The following CEMIP variants were observed in gnomAD, a reference collection of about 807,000 sequenced individuals.
The protein encoded by CEMIP is cell migration inducing hyaluronidase 1, also known as cell migration-inducing and hyaluronan-binding protein.
CEMIP carries 105 observed loss-of-function variants against 156.9 expected under a neutral mutation model. The ratio of observed to expected loss-of-function variants is 0.67; its 90% confidence interval spans 0.57 to 0.79. CEMIP has a LOEUF of 0.79. CEMIP is among the 30% of genes least tolerant of loss of function. The pLI is 0.00. For missense variants in CEMIP, 1,457 were observed against 1,769.4 expected (o/e 0.82, Z 3.17); for synonymous variants, 676 against 668.4 (o/e 1.01, Z -0.17).
rs987645455 is a variant in CEMIP at position 80,906,592 on chromosome 15, C to G, written c.1412-71C>G. On this transcript the variant is annotated intron_variant, in intron 12 of 29. Transcript: ENST00000394685. This position sits in a 1 kb window ranked among gnomAD's most constrained non-coding sequence, Gnocchi z 4.3. ...GAGTAAGCAGCAGCCATGGAGGCAC[C>G]TGGCAGGGGCCCAGAACTCAGTGGG... The G allele has an allele frequency of 2.7e-5, 41 of 1,498,594 alleles. No individual in the cohort carries two copies. In the Middle Eastern group the frequency reaches 7.1e-4, roughly 26 times the overall value. The allele number at this position is 1,498,594 out of a possible 1,614,324, so 92.8% of individuals were successfully genotyped here. A position where few individuals can be genotyped will look rare whatever the true frequency, so the allele number is the denominator to read the frequency against.
chr15:80,883,329 G>A (rs1482867394), intron 6 of CEMIP, among the ~76,000 whole-genome samples: 1 of 152,110 alleles, frequency 6.6e-6, no homozygotes, highest in Non-Finnish European at 1.5e-5. Context: ...GATATTTTAC[G>A]TGTATGAGGG....
intron 1 of CEMIP, among the ~76,000 whole-genome samples, chr15:80,847,656 C>T (rs1463468334): frequency 1.3e-5 from 2 of 152,160 alleles, no homozygotes; most frequent in African/African-American, 2.4e-5. Flanking sequence ...TCCTAGTCAC[C>T]AAGGGTGGTG....
intron 1 of CEMIP, among the ~76,000 whole-genome samples, chr15:80,796,091 T>C (rs1428741153): frequency 6.6e-6 from 1 of 152,218 alleles, no homozygotes; most frequent in Non-Finnish European, 1.5e-5. Context: ...AAATAGCATT[T>C]AATAAGAGCT....
rs1036709762 is a variant in CEMIP, at chr15:80,897,295, T to G, written c.1411+1235T>G. On this transcript the variant is annotated intron_variant, in intron 12 of 29. Transcript: ENST00000394685. ...GAAAGAAACCCACAGAACATAAAAT[T>G]CAACACAATCTTTTTGGCTGCCTGA... is the stretch of plus-strand genomic sequence containing the variant. 8.8e-6 allele frequency: 4 copies of G among 455,976 alleles called. No homozygotes were observed. The Admixed American group carries it at 9.4e-5, about 11-fold the overall frequency. The allele number at this position is 455,976 out of a possible 1,614,324, so 28.2% of individuals were successfully genotyped here.
chr15:80,930,958 G>A (rs1381852605), intron 21 of CEMIP, among the ~76,000 whole-genome samples: 1 of 152,216 alleles, frequency 6.6e-6, no homozygotes, highest in Non-Finnish European at 1.5e-5. Context: ...GGCCCAAGAA[G>A]GACCACCAGG....
chr15:80,860,541 C>A (rs1897960328), intron 1 of CEMIP, among the ~76,000 whole-genome samples: 1 of 152,180 alleles, frequency 6.6e-6, no homozygotes, highest in African/African-American at 2.4e-5. Context: ...TTTAAGCCAG[C>A]ACGGCAGCAC....
intron 1 of CEMIP, among the ~76,000 whole-genome samples, chr15:80,862,352 G>T (rs143788189): frequency 6.6e-6 from 1 of 152,314 alleles, no homozygotes; most frequent in East Asian, 1.9e-4. Context: ...GGACAATGAG[G>T]CTTCCAAGAG....
rs186695251 is a variant in CEMIP, at chr15:80,892,934, C to T, written c.1087-2056C>T. On this transcript the variant is annotated intron_variant, in intron 10 of 29. Coordinates refer to ENST00000394685, the MANE Select transcript of CEMIP (RefSeq NM_001293298.2). ...TGGACTGGTGGCCCACGCCGGTAAT[C>T]CCAGCACTTTGGGAGGCCAAAGTGG... Among the ~76,000 whole-genome samples, 4 of 152,278 alleles carry T rather than the reference C, an allele frequency of 2.6e-5. No individual in the cohort carries two copies. The East Asian group carries it at 7.7e-4, about 29-fold the overall frequency.
chr15:80,863,747 G>C (rs141154249), intron 1 of CEMIP, among the ~76,000 whole-genome samples: 1 of 152,162 alleles, frequency 6.6e-6, no homozygotes, highest in African/African-American at 2.4e-5. Context: ...GAGGAAGTTC[G>C]TGGGACTAAG....
At chr15:80,832,322 C>CTGTGTGGGTGTGTGTGTG (rs1897173504) in intron 1 of CEMIP, among the ~76,000 whole-genome samples, 1 of 127,996 alleles carries the variant, frequency 7.8e-6, no homozygotes. Flanking sequence ...AAAATAAACT[C>CTGTGTGGGTGTGTGTGTG]TGTGTGTGTG....
In CEMIP at chr15:80,843,252, C is replaced by T. The variant is rs528727202; in HGVS notation, c.-175-30286C>T. Among the ~76,000 whole-genome samples, 7 of 152,320 alleles carry T rather than the reference C, an allele frequency of 4.6e-5. No individual in the cohort carries two copies. In the East Asian group the frequency reaches 1.2e-3, roughly 25 times the overall value. ...TTAGGTAACTCACCAGTCCAGTGGT[C>T]ACTGGTTCAAGTGAGTAGAGCTAGT... On this transcript the variant is annotated intron_variant, in intron 1 of 29. Coordinates refer to ENST00000394685, the MANE Select transcript of CEMIP (RefSeq NM_001293298.2).
At position 80,889,454 on chromosome 15, in the gene CEMIP, G is replaced by A; in HGVS notation, c.965-17G>A. On this transcript the variant is annotated splice_polypyrimidine_tract_variant and intron_variant, in intron 9 of 29. Transcript: ENST00000394685. ...AGACAACCTCCTGTCTGACTGTGCT[G>A]TTTGCTTTCTGCCTAGACGTGGAGT... is the stretch of plus-strand genomic sequence containing the variant. The A allele has an allele frequency of 6.2e-7, 1 of 1,613,896 alleles. No individual in the cohort carries two copies. The highest frequency in any genetic ancestry group is 8.5e-7 in the Non-Finnish European group (1 of 1,179,818).
chr15:80,878,619 G>A (rs1280362142), intron 3 of CEMIP, 102 bp from the exon 4 acceptor site: 4 of 1,463,130 alleles, frequency 2.7e-6, no homozygotes, highest in African/African-American at 1.4e-5. Context: ...CAGAGAGGAG[G>A]TAGGGGCCTT....
At chr15:80,807,265 C>G (rs1896536647) in intron 1 of CEMIP, among the ~76,000 whole-genome samples, 1 of 142,918 alleles carries the variant, frequency 7.0e-6, no homozygotes, top group Admixed American at 7.2e-5. Context: ...GGGTCTCGTT[C>G]TGTCACCAAG....
intron 1 of CEMIP, among the ~76,000 whole-genome samples, chr15:80,809,983 A>G (rs1279131139): frequency 6.6e-6 from 1 of 152,356 alleles, no homozygotes; most frequent in East Asian, 1.9e-4. Flanking sequence ...CGTATCTTAA[A>G]GTCAACTGAT....
At position 80,899,648 on chromosome 15, in the gene CEMIP, CGA is replaced by C. The variant is rs201032798; in HGVS notation, c.1411+3596_1411+3597del. Among the ~76,000 whole-genome samples the C allele has an allele frequency of 8.1e-3, 1,235 of 151,550 alleles. 21 individuals are homozygous for C. The highest frequency in any genetic ancestry group is 0.028 in the African/African-American group (1,146 of 41,010). Reference sequence around the variant, plus strand: ...GAGAATGGGAGGGCTGCATGGGGCTCGAGAGAGAGGGAGGGGCCATGGTGCAG... The same window carrying C: ...GAGAATGGGAGGGCTGCATGGGGCTCGAGAGAGGGAGGGGCCATGGTGCAG... On this transcript the variant is annotated intron_variant, in intron 12 of 29. Transcript: ENST00000394685.
chr15:80,813,136 C>T (rs577621914), intron 1 of CEMIP, among the ~76,000 whole-genome samples: 1 of 152,188 alleles, frequency 6.6e-6, no homozygotes, highest in East Asian at 1.9e-4. Context: ...AGTAACTATC[C>T]CACTTGACCC....
chr15:80,789,594 G>A (rs183349204), intron 1 of CEMIP, among the ~76,000 whole-genome samples: 60 of 152,180 alleles, frequency 3.9e-4, no homozygotes, highest in Admixed American at 1.6e-3. Flanking sequence ...AAAAGGCGTG[G>A]TCATCTCAGT....
At chr15:80,865,308 G>C (rs941543961) in intron 1 of CEMIP, among the ~76,000 whole-genome samples, 3 of 151,934 alleles carry the variant, frequency 2.0e-5, no homozygotes, top group African/African-American at 7.3e-5. Flanking sequence ...CAGCCTCCTG[G>C]GTAGCTGGGT....
Sources: gnomAD v4.1 joint callset for allele counts (sites outside exome capture counted in the v4.1 genomes callset) on GRCh38, gnomAD v4.1.1 for gene constraint, Gnocchi (gnomAD v3.1) non-coding constraint, MANE v1.5 for transcripts, NCBI Gene and HGNC (gene_info 2026-07-23, HGNC 2026-07-21) for gene names.